The following LYPD6 variants were observed in gnomAD, a reference collection of about 807,000 sequenced individuals.
The protein encoded by LYPD6 is LY6/PLAUR domain containing 6, also known as ly6/PLAUR domain-containing protein 6.
A neutral mutation model predicts 22.7 loss-of-function variants in LYPD6; 15 were observed. The ratio of observed to expected loss-of-function variants is 0.66; its 90% CI spans 0.44 to 1.02. The LOEUF (loss-of-function observed/expected upper bound fraction) is 1.02. LYPD6 is among the 50% of genes least tolerant of loss of function. LYPD6 has a pLI of 0.00. For missense variants in LYPD6, 189 were observed against 208.4 expected, an observed-to-expected ratio of 0.91 and a Z score of 0.57; for synonymous variants, 72 against 77.5, an observed-to-expected ratio of 0.93 and a Z score of 0.37.
intron 1 of LYPD6, among the ~76,000 whole-genome samples, chr2:149,353,277 A>G (rs1681391526): frequency 1.3e-5 from 2 of 152,224 alleles, no homozygotes; most frequent in Admixed American, 1.3e-4. Flanking sequence ...CTTAGAATTT[A>G]TTTATATATT....
intron 1 of LYPD6, among the ~76,000 whole-genome samples, chr2:149,421,735 T>C (rs748802966): frequency 1.1e-4 from 17 of 152,212 alleles, no homozygotes; most frequent in Non-Finnish European, 1.8e-4. Context: ...TATATGGACT[T>C]TAAAGCTTAA....
intron 1 of LYPD6, among the ~76,000 whole-genome samples, chr2:149,417,308 T>C (rs1296954466): frequency 6.6e-6 from 1 of 152,254 alleles, no homozygotes; most frequent in Non-Finnish European, 1.5e-5. Flanking sequence ...TTGTATATAC[T>C]GATAAAGCAT....
At position 149,336,481 on chromosome 2, in the gene LYPD6, A is replaced by C. The variant is rs192406441; in HGVS notation, c.-72+5759A>C. Among the ~76,000 whole-genome samples the C allele has an allele frequency of 6.8e-3, 1,037 of 152,346 alleles. 7 individuals carry two copies. Among genetic ancestry groups the C allele is most frequent in the South Asian group, 0.015 (72 of 4,822 alleles). On this transcript the variant is annotated intron_variant, in intron 1 of 4. Coordinates refer to ENST00000334166, the MANE Select transcript of LYPD6 (RefSeq NM_194317.5). Reference sequence around the variant, plus strand: ...CTGGCTAGTAGTCTCTCAGCTCTCTAAAACACATGTGTCCACCAAGTTAAA... The same window carrying C: ...CTGGCTAGTAGTCTCTCAGCTCTCTCAAACACATGTGTCCACCAAGTTAAA...
At chr2:149,476,829 A>G (rs1270532573), downstream of LYPD6, among the ~76,000 whole-genome samples, 3 of 152,114 alleles carry the variant, frequency 2.0e-5, no homozygotes, top group Non-Finnish European at 4.4e-5. Context: ...GGCGATGGCT[A>G]CTGGTCCAAC....
At chr2:149,432,971 A>G (rs1398424739) in intron 1 of LYPD6, among the ~76,000 whole-genome samples, 1 of 152,222 alleles carries the variant, frequency 6.6e-6, no homozygotes, top group Non-Finnish European at 1.5e-5. Flanking sequence ...AAAATAATAC[A>G]TGCTCATTAA....
chr2:149,384,416 A>T (rs759759055), intron 1 of LYPD6, among the ~76,000 whole-genome samples: 1 of 152,198 alleles, frequency 6.6e-6, no homozygotes, highest in Admixed American at 6.5e-5. Context: ...GGGTTTGAGA[A>T]GGCATTACAG....
chr2:149,477,989 A>G (rs1295119934), downstream of LYPD6, among the ~76,000 whole-genome samples: 1 of 152,182 alleles, frequency 6.6e-6, no homozygotes, highest in Non-Finnish European at 1.5e-5. Flanking sequence ...TAATTTTTAT[A>G]GATTGGTCTT....
intron 1 of LYPD6, among the ~76,000 whole-genome samples, chr2:149,364,125 C>T (rs1681618254): frequency 6.6e-6 from 1 of 152,090 alleles, no homozygotes. Context: ...TTTGAGTGAA[C>T]AGTTAATCTC....
chr2:149,435,297 C>T (rs570097690), intron 1 of LYPD6, among the ~76,000 whole-genome samples: 1 of 152,354 alleles, frequency 6.6e-6, no homozygotes, highest in East Asian at 1.9e-4. Context: ...AACTCATACA[C>T]CATGGATTTA....
intron 1 of LYPD6, among the ~76,000 whole-genome samples, chr2:149,348,059 T>TAAAAAAAA (rs1681290557): frequency 4.5e-5 from 1 of 22,000 alleles, no homozygotes; most frequent in African/African-American, 1.9e-4. Context: ...CTACTAAAAA[T>TAAAAAAAA]ACAAAAAAAA....
At chr2:149,483,579 C>T in the LYPD6 span, among the ~76,000 whole-genome samples, 3 of 151,960 alleles carry the variant, frequency 2.0e-5, no homozygotes, top group Non-Finnish European at 4.4e-5. Flanking sequence ...TAAATAAATG[C>T]AATTGAGGAG....
chr2:149,364,019 T>G (rs566402757), intron 1 of LYPD6, among the ~76,000 whole-genome samples: 2 of 152,306 alleles, frequency 1.3e-5, no homozygotes, highest in East Asian at 3.9e-4. Flanking sequence ...GAGCCTTTCT[T>G]ATCTCACTCC....
intron 1 of LYPD6, among the ~76,000 whole-genome samples, chr2:149,335,998 A>G (rs1258624916): frequency 6.6e-6 from 1 of 152,234 alleles, no homozygotes; most frequent in East Asian, 1.9e-4. Flanking sequence ...TCCATTGTTC[A>G]GTGATACATG....
intron 1 of LYPD6, among the ~76,000 whole-genome samples, chr2:149,413,541 T>C (rs1206128989): frequency 2.0e-5 from 3 of 152,236 alleles, no homozygotes; most frequent in Non-Finnish European, 4.4e-5. Context: ...CCTTTCCACC[T>C]CATTTCTGTG....
In LYPD6 at chr2:149,389,273, G is replaced by A. The variant is rs576208679; in HGVS notation, c.-71-48365G>A. The stretch of plus-strand genomic sequence containing the variant: ...GTCCTGTAGATGCCCGAGAGAGTTG[G>A]GGCCAGTTATACAGGGTGGGGGAGA... On this transcript the variant is annotated intron_variant, in intron 1 of 4. Coordinates refer to ENST00000334166, the MANE Select transcript of LYPD6 (RefSeq NM_194317.5). 2.0e-5 allele frequency among the ~76,000 whole-genome samples: 3 copies of A among 152,212 alleles called. No individual in the cohort carries two copies. In the South Asian group the frequency reaches 6.2e-4, roughly 32 times the overall value.
At chr2:149,466,951 C>T (rs1681214690) in intron 3 of LYPD6, among the ~76,000 whole-genome samples, 1 of 152,182 alleles carries the variant, frequency 6.6e-6, no homozygotes, top group African/African-American at 2.4e-5. Context: ...TGACCATAAA[C>T]GTCCATCGAG....
intron 1 of LYPD6, among the ~76,000 whole-genome samples, chr2:149,367,315 G>A (rs956440301): frequency 1.3e-5 from 2 of 152,278 alleles, no homozygotes; most frequent in Non-Finnish European, 2.9e-5. Context: ...CTTTTGGACT[G>A]AGGGCCTCAG....
chr2:149,453,160 T>A (rs1680873964), intron 3 of LYPD6, among the ~76,000 whole-genome samples: 1 of 152,322 alleles, frequency 6.6e-6, no homozygotes, highest in Admixed American at 6.5e-5. Flanking sequence ...ATTTTCTTGA[T>A]TTTGTGAACC....
intron 1 of LYPD6, among the ~76,000 whole-genome samples, chr2:149,389,418 T>G (rs1168468007): frequency 1.3e-5 from 2 of 152,128 alleles, no homozygotes; most frequent in East Asian, 1.9e-4. Context: ...CAGCTAGGCA[T>G]GGAACTGGTT....
Sources: allele counts gnomAD v4.1 joint callset (sites outside exome capture counted in the v4.1 genomes callset), GRCh38; gene constraint gnomAD v4.1.1; transcripts MANE v1.5; gene names NCBI Gene and HGNC (gene_info 2026-07-23, HGNC 2026-07-21).